URI1: variants seen among roughly 807,000 people sequenced by gnomAD.
URI1 encodes the protein URI1 prefoldin like chaperone, also known as unconventional prefoldin RPB5 interactor 1.
URI1 carries 39 observed loss-of-function variants against 60.2 expected under a neutral mutation model. That is an observed-to-expected ratio of 0.65 (90% CI 0.50 to 0.85). URI1 has a LOEUF of 0.85. Ranked by LOEUF, URI1 falls within the 40% of genes least tolerant of loss-of-function variation. The pLI is 0.00. For synonymous variants in URI1, 251 were observed against 236.8 expected, an observed-to-expected ratio of 1.06 and a Z score of -0.55; for missense variants, 691 against 665.9, an observed-to-expected ratio of 1.04 and a Z score of -0.42.
At chr19:30,011,830 T>C (rs998577320) in intron 9 of URI1, among the ~76,000 whole-genome samples, 1 of 140,698 alleles carries the variant, frequency 7.1e-6, no homozygotes, top group Non-Finnish European at 1.5e-5. Flanking sequence ...TTCTCACTCA[T>C]AGGTGGGAAT....
At chr19:30,000,957 A>G (rs1318304548) in intron 4 of URI1, among the ~76,000 whole-genome samples, 2 of 151,560 alleles carry the variant, frequency 1.3e-5, no homozygotes, top group African/African-American at 4.8e-5. Flanking sequence ...ATTTTCCTGT[A>G]CATAGTTTCA....
At chr19:29,994,781 ATTTT>A (rs539678001) in intron 4 of URI1, among the ~76,000 whole-genome samples, 1 of 136,550 alleles carries the variant, frequency 7.3e-6, no homozygotes, top group Non-Finnish European at 1.6e-5. Context: ...AATTCTGTGG[ATTTT>A]TTTTTTTTTT....
In URI1 at chr19:30,005,276, G is replaced by C. The variant is rs557975657; in HGVS notation, c.368-85G>C. Reference sequence around the variant, plus strand: ...AAAGCATTACTGTTAAATCATACTTGTAGTGTGATAGGACTACAGTTAAAA... The same window carrying C: ...AAAGCATTACTGTTAAATCATACTTCTAGTGTGATAGGACTACAGTTAAAA... On this transcript the variant is annotated intron_variant, in intron 4 of 10. Coordinates refer to ENST00000392271, the MANE Select transcript of URI1 (RefSeq NM_003796.3). 4.7e-5 allele frequency: 34 copies of C among 717,646 alleles called. No individual in the cohort carries two copies. The South Asian group carries it at 7.1e-4, about 15-fold the overall frequency. The allele number at this position is 717,646 out of a possible 1,614,324, so 44.5% of individuals were successfully genotyped here.
intron 2 of URI1, 24 bp downstream of exon 2, chr19:29,971,251 C>A: frequency 6.2e-7 from 1 of 1,611,002 alleles, no homozygotes; most frequent in Non-Finnish European, 8.5e-7. Context: ...GGTTTTATTA[C>A]ACTTCTGAAA....
chr19:29,955,987 T>C (rs571466553), intron 1 of URI1, among the ~76,000 whole-genome samples: 1 of 151,866 alleles, frequency 6.6e-6, no homozygotes, highest in Non-Finnish European at 1.5e-5. Context: ...TAGTCTTTTT[T>C]TTTTTTTATT....
At chr19:29,950,933 A>C (rs912702717) in intron 1 of URI1, among the ~76,000 whole-genome samples, 1 of 152,190 alleles carries the variant, frequency 6.6e-6, no homozygotes, top group Non-Finnish European at 1.5e-5. Flanking sequence ...GGAGATGTCT[A>C]ATGAACATAA....
intron 4 of URI1, among the ~76,000 whole-genome samples, chr19:29,994,748 G>T (rs78014801): frequency 6.6e-6 from 1 of 151,378 alleles, no homozygotes; most frequent in Non-Finnish European, 1.5e-5. Context: ...ATATCTGAAA[G>T]TGGAATTGCT....
chr19:30,003,972 C>T (rs1445041498), intron 4 of URI1, among the ~76,000 whole-genome samples: 1 of 151,950 alleles, frequency 6.6e-6, no homozygotes, highest in Non-Finnish European at 1.5e-5. Flanking sequence ...TAACAACTGC[C>T]GACATAGTTT....
intron 2 of URI1, among the ~76,000 whole-genome samples, chr19:29,983,864 G>A (rs1469218805): frequency 6.6e-6 from 1 of 152,186 alleles, no homozygotes; most frequent in Non-Finnish European, 1.5e-5. Context: ...TTGGTTGTTT[G>A]AAATTACTTA....
rs531857423 is a variant in URI1 at position 29,932,289 on chromosome 19, T to C, written c.63+8535T>C. Among the ~76,000 whole-genome samples the C allele has an allele frequency of 2.0e-5, 3 of 152,202 alleles. No homozygotes were observed. In the South Asian group the frequency reaches 6.2e-4, roughly 32 times the overall value. ...ATTGTCAAATGCTTTTTCGGCATCA[T>C]TTGAGATGATGATTATGATGATGAT... On this transcript the variant is annotated intron_variant, in intron 1 of 10. Transcript: ENST00000360605.
At position 29,964,468 on chromosome 19, in the gene URI1, T is replaced by TG. The variant is rs557764738; in HGVS notation, c.118-6725_118-6724insG. On this transcript the variant is annotated intron_variant, in intron 1 of 10. Transcript: ENST00000392271. ...TTTGTTTTTGTTTTTTGTTTTGTTT[T>TG]TTTTTTTTTTTTTGAGACGGAGTTT... 1.5e-4 allele frequency among the ~76,000 whole-genome samples: 23 copies of TG among 149,586 alleles called. No individual in the cohort carries two copies. The South Asian group carries it at 2.1e-3, about 14-fold the overall frequency.
chr19:29,956,916 C>T, intron 1 of URI1: 3 of 1,108,854 alleles, frequency 2.7e-6, no homozygotes, highest in South Asian at 2.5e-5. Flanking sequence ...TTTATGATAA[C>T]TGTGCGTCCC....
At chr19:29,949,112 C>T (rs1471080099) in intron 1 of URI1, among the ~76,000 whole-genome samples, 56 of 148,472 alleles carry the variant, frequency 3.8e-4, no homozygotes, top group East Asian at 2.6e-3. Flanking sequence ...ACTTCCCAGA[C>T]GGGGCAGCTG....
At chr19:29,948,759 C>T (rs1029429107) in intron 1 of URI1, among the ~76,000 whole-genome samples, 4 of 152,214 alleles carry the variant, frequency 2.6e-5, no homozygotes, top group Non-Finnish European at 4.4e-5. Context: ...CAGACAGCAA[C>T]AATCCGATTC....
At chr19:29,987,661 A>G (rs2055688988) in intron 4 of URI1, among the ~76,000 whole-genome samples, 2 of 152,148 alleles carry the variant, frequency 1.3e-5, no homozygotes, top group Admixed American at 1.3e-4. Context: ...TGATTTTCAT[A>G]TTTCAGTGAA....
At chr19:29,960,079 C>G (rs533773201) in intron 1 of URI1, among the ~76,000 whole-genome samples, 1 of 152,156 alleles carries the variant, frequency 6.6e-6, no homozygotes, top group Admixed American at 6.5e-5. Flanking sequence ...GCTCATTGAC[C>G]CATAAATTGG....
intron 1 of URI1, among the ~76,000 whole-genome samples, chr19:29,935,389 T>C (rs114795310): frequency 2.8e-4 from 43 of 152,338 alleles, no homozygotes; most frequent in African/African-American, 9.6e-4. Flanking sequence ...AATTATTGTT[T>C]CATGCATTTG....
At chr19:29,962,990 T>G (rs1296327077) in intron 1 of URI1, among the ~76,000 whole-genome samples, 2 of 152,200 alleles carry the variant, frequency 1.3e-5, no homozygotes, top group East Asian at 3.9e-4. Context: ...GTCACTCCTT[T>G]GAAGGCTGTG....
chr19:30,011,015 G>T, intron 8 of URI1, 79 bp from the exon 9 acceptor site: 1 of 1,471,906 alleles, frequency 6.8e-7, no homozygotes, highest in Non-Finnish European at 9.2e-7. Context: ...TATTTTTTTA[G>T]TTATAGAGTT....
Sources: gnomAD v4.1 joint callset for allele counts (sites outside exome capture counted in the v4.1 genomes callset) on GRCh38, gnomAD v4.1.1 for gene constraint, MANE v1.5 for transcripts, NCBI Gene and HGNC (gene_info 2026-07-23, HGNC 2026-07-21) for gene names.